The following LRRC4C variants were observed in gnomAD, a reference collection of about 807,000 sequenced individuals.
LRRC4C encodes the protein leucine-rich repeat-containing protein 4C.
In LRRC4C, 5 loss-of-function variants were observed where a neutral mutation model predicts 33.6. The ratio of observed to expected loss-of-function variants is 0.15; its 90% CI spans 0.08 to 0.31. LRRC4C has a LOEUF of 0.31. Among genes scored for constraint, LRRC4C ranks in the 10% least tolerant of loss-of-function variants. LRRC4C has a pLI of 1.00. For missense variants in LRRC4C, 560 were observed against 796.7 expected (o/e 0.70, Z 3.58); for synonymous variants, 329 against 302.0 (o/e 1.09, Z -0.93).
intron 3 of LRRC4C, among the ~76,000 whole-genome samples, chr11:40,350,801 A>T (rs968413306): frequency 1.7e-4 from 26 of 151,764 alleles, no homozygotes; most frequent in African/African-American, 5.8e-4. Context: ...CATTGTAGAG[A>T]TCTTTTACTT....
At chr11:40,905,714 T>G (rs2136222942) in intron 2 of LRRC4C, among the ~76,000 whole-genome samples, 1 of 152,336 alleles carries the variant, frequency 6.6e-6, no homozygotes, top group South Asian at 2.1e-4. Flanking sequence ...GGCAGTGGCC[T>G]GAGCAGGGCC....
At chr11:40,206,184 TC>T (rs1224043873) in intron 5 of LRRC4C, among the ~76,000 whole-genome samples, 11 of 152,248 alleles carry the variant, frequency 7.2e-5, no homozygotes, top group African/African-American at 2.4e-4. Context: ...ATTGAGGTAA[TC>T]TTCCCAACAA....
At chr11:41,241,938 C>T (rs1948267247) in intron 1 of LRRC4C, among the ~76,000 whole-genome samples, 1 of 152,162 alleles carries the variant, frequency 6.6e-6, no homozygotes, top group Admixed American at 6.5e-5. Context: ...GACATCAATG[C>T]ACACAGTTGG....
intron 6 of LRRC4C, among the ~76,000 whole-genome samples, chr11:40,138,962 C>T (rs1275801562): frequency 1.3e-5 from 2 of 152,202 alleles, no homozygotes; most frequent in Non-Finnish European, 2.9e-5. Flanking sequence ...TAGTAAATTT[C>T]ACTCCCAATT....
At position 41,283,975 on chromosome 11, in the gene LRRC4C, G is replaced by A. The variant is rs564601929; in HGVS notation, c.-496+175456C>T. 1.2e-4 allele frequency among the ~76,000 whole-genome samples: 19 copies of A among 152,234 alleles called. 1 individual carries two copies. In the South Asian group the frequency reaches 3.1e-3, roughly 25 times the overall value. ...CATGACATGCTTACAGCACTGCTCT[G>A]TATGGAGTAACCCCAGTGAAAGTTA... is the stretch of plus-strand genomic sequence containing the variant. On this transcript the variant is annotated intron_variant, in intron 1 of 6. Coordinates refer to ENST00000528697, the MANE Select transcript of LRRC4C (RefSeq NM_001258419.2).
intron 1 of LRRC4C, among the ~76,000 whole-genome samples, chr11:41,023,303 A>G (rs1856114222): frequency 6.6e-6 from 1 of 151,886 alleles, no homozygotes; most frequent in Non-Finnish European, 1.5e-5. Context: ...ATATTCAGTC[A>G]TATGCAGTTG....
intron 3 of LRRC4C, among the ~76,000 whole-genome samples, chr11:40,398,741 G>C (rs1276623114): frequency 6.6e-6 from 1 of 151,982 alleles, no homozygotes; most frequent in East Asian, 1.9e-4. Context: ...TCTGGGTCCT[G>C]GGTTCTAGAC....
At chr11:40,570,348 G>A (rs1272877569) in intron 3 of LRRC4C, among the ~76,000 whole-genome samples, 5 of 152,134 alleles carry the variant, frequency 3.3e-5, no homozygotes, top group Non-Finnish European at 5.9e-5. Flanking sequence ...TCTGGGTGGA[G>A]GACCTAACCT....
chr11:40,227,192 T>C (rs1349272296), intron 5 of LRRC4C, among the ~76,000 whole-genome samples: 4 of 152,222 alleles, frequency 2.6e-5, no homozygotes, highest in Non-Finnish European at 5.9e-5. Flanking sequence ...GTAATTGTTA[T>C]GATGGGAGTC....
At chr11:40,294,283 GA>G in intron 4 of LRRC4C, among the ~76,000 whole-genome samples, 1 of 152,242 alleles carries the variant, frequency 6.6e-6, no homozygotes, top group Middle Eastern at 3.4e-3. Context: ...GGCAGAGCCA[GA>G]ACAGCTGAGT....
intron 1 of LRRC4C, among the ~76,000 whole-genome samples, chr11:41,075,550 A>G (rs1405561851): frequency 6.6e-6 from 1 of 152,052 alleles, no homozygotes; most frequent in Non-Finnish European, 1.5e-5. Flanking sequence ...AATTTTCACT[A>G]TCTATCTTCT....
chr11:41,028,261 T>C (rs973257714), intron 1 of LRRC4C, among the ~76,000 whole-genome samples: 1 of 151,464 alleles, frequency 6.6e-6, no homozygotes, highest in South Asian at 2.1e-4. Context: ...CAAATATCAA[T>C]CTAAGCATTA....
chr11:40,935,669 G>A (rs2136513474), intron 1 of LRRC4C, among the ~76,000 whole-genome samples: 1 of 152,112 alleles, frequency 6.6e-6, no homozygotes, highest in African/African-American at 2.4e-5. Flanking sequence ...TACACAATAT[G>A]ATGTTCTTAC....
chr11:40,507,392 G>T (rs1259066399), intron 3 of LRRC4C, among the ~76,000 whole-genome samples: 2 of 152,138 alleles, frequency 1.3e-5, no homozygotes, highest in East Asian at 3.9e-4. Flanking sequence ...TTTTTTAAAT[G>T]GTCAACCTTA....
chr11:41,011,653 C>A (rs889534324), intron 1 of LRRC4C, among the ~76,000 whole-genome samples: 2 of 151,738 alleles, frequency 1.3e-5, no homozygotes, highest in Non-Finnish European at 2.9e-5. Flanking sequence ...TGGCCACGTA[C>A]TCCAAATTGC....
intron 4 of LRRC4C, chr11:40,293,219 G>A (rs1486372689): frequency 1.3e-5 from 2 of 152,372 alleles, no homozygotes; most frequent in African/African-American, 4.8e-5. Flanking sequence ...CGGGGGCGGG[G>A]GCGGAGGTAG....
At position 40,848,094 on chromosome 11, in the gene LRRC4C, T is replaced by TA. The variant is rs540947048; in HGVS notation, c.-407+85540dup. On this transcript the variant is annotated intron_variant, in intron 2 of 6. Coordinates refer to ENST00000528697, the MANE Select transcript of LRRC4C (RefSeq NM_001258419.2). ...TGGTCTATCTATCTATCTTTTTTTTTAAAAAAAGCCCCTGGATTGATTTTT... is the reference window on the plus strand; with the variant it reads ...TGGTCTATCTATCTATCTTTTTTTTTAAAAAAAAGCCCCTGGATTGATTTTT... 1.9e-3 allele frequency among the ~76,000 whole-genome samples: 281 copies of TA among 151,246 alleles called. 1 individual carries two copies. Among genetic ancestry groups the TA allele is most frequent in the Admixed American group, 4.4e-3 (66 of 15,142 alleles).
chr11:41,089,452 T>C (rs1466626088), intron 1 of LRRC4C, among the ~76,000 whole-genome samples: 1 of 152,062 alleles, frequency 6.6e-6, no homozygotes, highest in African/African-American at 2.4e-5. Context: ...ACTTTGGCTT[T>C]GGTCCAGAAA....
Position 40,981,373 on chromosome 11 carries a change from C to T in LRRC4C, c.-495-47650G>A, listed in dbSNP as rs992502469. On this transcript the variant is annotated intron_variant, in intron 1 of 6. Transcript: ENST00000528697. ...AGCTTGCAGTGAGCAGAGATCACGC[C>T]ACTGCATTCCAGCCTGGGCGACAGA... Among the ~76,000 whole-genome samples, 4 of 150,816 alleles carry T rather than the reference C, an allele frequency of 2.7e-5. 1 individual carries two copies. Among genetic ancestry groups the T allele is most frequent in the South Asian group, 4.2e-4 (2 of 4,796 alleles).
Sources: allele counts gnomAD v4.1 joint callset (sites outside exome capture counted in the v4.1 genomes callset), GRCh38; gene constraint gnomAD v4.1.1; transcripts MANE v1.5; gene names NCBI Gene and HGNC (gene_info 2026-07-23, HGNC 2026-07-21).